The following RYR3 variants were observed in gnomAD, a reference collection of about 807,000 sequenced individuals.
RYR3 encodes the protein ryanodine receptor 3, also known as brain ryanodine receptor-calcium release channel.
Under a neutral mutation model 584.3 loss-of-function variants are expected in RYR3, and 207 were observed. That is an observed-to-expected ratio of 0.35 (90% confidence interval 0.32 to 0.40). The LOEUF is 0.40. Ranked by LOEUF, RYR3 falls within the 10% of genes least tolerant of loss-of-function variation. RYR3 has a pLI of 1.00. For synonymous variants in RYR3, 2,416 were observed against 2,248.5 expected (o/e 1.07, Z -2.11); for missense variants, 5,616 against 6,089.2 (o/e 0.92, Z 2.59).
rs1567046826 is a variant in RYR3 at position 33,336,470 on chromosome 15, GAGAGAGAGAGA to G, written c.51+25375_51+25385del. On this transcript the variant is annotated intron_variant, in intron 1 of 103. Transcript: ENST00000634891. ...AGAGAGAGAGAGAGAGAGAGAGAGAGAGAGAGAGAGAGAGAGAAAGAAAGAAAGAAAGAAGG... is the reference window on the plus strand; with the variant it reads ...AGAGAGAGAGAGAGAGAGAGAGAGAGGAGAGAAAGAAAGAAAGAAAGAAGG... Among the ~76,000 whole-genome samples, 5 of 38,808 alleles carry G rather than the reference GAGAGAGAGAGA, an allele frequency of 1.3e-4. 1 individual carries two copies. The highest frequency in any genetic ancestry group is 1.2e-3 in the African/African-American group (5 of 4,078). The allele number at this position is 38,808 out of a possible 152,430, so 25.5% of individuals were successfully genotyped here. A position where few individuals can be genotyped will look rare whatever the true frequency, so the allele number is the denominator to read the frequency against.
chr15:33,551,239 CT>C (rs750616205), intron 10 of RYR3, among the ~76,000 whole-genome samples: 164 of 152,226 alleles, frequency 1.1e-3, no homozygotes, highest in Non-Finnish European at 2.2e-3. Flanking sequence ...GAAGTCTGCA[CT>C]TCCTAAGAGT....
intron 102 of RYR3, 31 bp downstream of exon 102, chr15:33,861,209 C>G (rs1224894764): frequency 2.0e-6 from 3 of 1,500,588 alleles, no homozygotes; most frequent in Non-Finnish European, 2.7e-6. Flanking sequence ...AAAGTAATGG[C>G]AGCTGTAGCG....
At chr15:33,849,875 C>T (rs1567317172) in intron 94 of RYR3, 1 of 152,220 alleles carries the variant, frequency 6.6e-6, no homozygotes, top group Non-Finnish European at 1.5e-5. Flanking sequence ...TGAACAGGCA[C>T]ATCCTCACAT....
At chr15:33,541,857 C>T (rs1320444219) in intron 7 of RYR3, among the ~76,000 whole-genome samples, 2 of 152,106 alleles carry the variant, frequency 1.3e-5, no homozygotes, top group Non-Finnish European at 2.9e-5. Flanking sequence ...CCAAAATTAA[C>T]CCACCCTCCT....
chr15:33,762,901 T>C (rs1276147191), intron 60 of RYR3, among the ~76,000 whole-genome samples: 1 of 152,174 alleles, frequency 6.6e-6, no homozygotes, highest in Non-Finnish European at 1.5e-5. Context: ...AACAGCATGG[T>C]GCTGGTACCA....
chr15:33,740,127 G>A (rs2069935005), intron 51 of RYR3, 132 bp downstream of exon 51: 1 of 749,194 alleles, frequency 1.3e-6, no homozygotes, highest in South Asian at 1.9e-5. Context: ...TTCTCTTGAT[G>A]TGTCAAGTCC....
At chr15:33,477,908 A>AGTAGGGG (rs2049562239) in intron 2 of RYR3, among the ~76,000 whole-genome samples, 1 of 128,942 alleles carries the variant, frequency 7.8e-6, no homozygotes, top group Non-Finnish European at 1.6e-5. Flanking sequence ...AAAAAAAAAG[A>AGTAGGGG]CTAGGGGCTA....
rs1346134852 is a variant in RYR3 at position 33,843,414 on chromosome 15, CCTT to C, written c.13210-71_13210-69del. 9 of 998,014 alleles carry C rather than the reference CCTT, an allele frequency of 9.0e-6. No individual in the cohort carries two copies. In the African/African-American group the frequency reaches 1.4e-4, roughly 16 times the overall value. The allele number at this position is 998,014 out of a possible 1,614,324, so 61.8% of individuals were successfully genotyped here. On this transcript the variant is annotated intron_variant, in intron 91 of 103. Transcript: ENST00000634891. Reference sequence around the variant, plus strand: ...AGTGTGAACTTCTAACCAGAACTGACCTTCTGTGTGAAAGTAGGAAGTTCTCTT... The same window carrying C: ...AGTGTGAACTTCTAACCAGAACTGACCTGTGTGAAAGTAGGAAGTTCTCTT...
intron 2 of RYR3, among the ~76,000 whole-genome samples, chr15:33,499,984 G>A (rs2051818772): frequency 6.6e-6 from 1 of 152,160 alleles, no homozygotes; most frequent in Non-Finnish European, 1.5e-5. Context: ...GACTTGAGGA[G>A]TCATTGCAAT....
chr15:33,579,596 C>T (rs2058490247), intron 12 of RYR3, among the ~76,000 whole-genome samples: 1 of 152,162 alleles, frequency 6.6e-6, no homozygotes, highest in Non-Finnish European at 1.5e-5. Flanking sequence ...AGAAGAGTCA[C>T]TGTCAAAATC....
chr15:33,714,534 G>A (rs770741646), intron 43 of RYR3, among the ~76,000 whole-genome samples: 41 of 152,198 alleles, frequency 2.7e-4, no homozygotes, highest in Non-Finnish European at 4.6e-4. Context: ...AAGCACAGAT[G>A]TGTTTGGGTG....
At chr15:33,541,660 A>T (rs1218322144) in intron 7 of RYR3, among the ~76,000 whole-genome samples, 1 of 152,212 alleles carries the variant, frequency 6.6e-6, no homozygotes, top group Non-Finnish European at 1.5e-5. Context: ...GTACTTTCAA[A>T]CTGGGAATGC....
intron 64 of RYR3, among the ~76,000 whole-genome samples, chr15:33,777,890 C>T (rs1255813111): frequency 6.6e-6 from 1 of 152,106 alleles, no homozygotes; most frequent in Non-Finnish European, 1.5e-5. Context: ...TGCTGTCAGG[C>T]AGGACGCGGT....
intron 80 of RYR3, among the ~76,000 whole-genome samples, chr15:33,821,939 C>T (rs2077129300): frequency 6.6e-6 from 1 of 152,144 alleles, no homozygotes; most frequent in African/African-American, 2.4e-5. Context: ...CACTAATTAG[C>T]TGCCTTTAGT....
At chr15:33,534,066 A>G (rs1367762892) in intron 5 of RYR3, among the ~76,000 whole-genome samples, 6 of 152,232 alleles carry the variant, frequency 3.9e-5, no homozygotes, top group Non-Finnish European at 8.8e-5. Context: ...ACTAGTTCCA[A>G]ATGTAAAACT....
chr15:33,474,414 G>A (rs1318014993), intron 2 of RYR3, among the ~76,000 whole-genome samples: 1 of 152,228 alleles, frequency 6.6e-6, no homozygotes, highest in Non-Finnish European at 1.5e-5. Flanking sequence ...TCAGGCAGGA[G>A]TTAATGCTGT....
intron 2 of RYR3, among the ~76,000 whole-genome samples, chr15:33,500,341 G>C (rs72727613): frequency 2.0e-5 from 3 of 152,284 alleles, no homozygotes; most frequent in Non-Finnish European, 4.4e-5. Context: ...GCCAGATAGA[G>C]AAATGCTAAA....
At chr15:33,756,997 T>A (rs1281676596) in intron 59 of RYR3, among the ~76,000 whole-genome samples, 1 of 152,104 alleles carries the variant, frequency 6.6e-6, no homozygotes, top group East Asian at 1.9e-4. Flanking sequence ...CACAGTGGGA[T>A]CCTGTTGCCA....
chr15:33,711,207 A>G (rs910728769), intron 43 of RYR3, among the ~76,000 whole-genome samples: 1 of 148,552 alleles, frequency 6.7e-6, no homozygotes, highest in Non-Finnish European at 1.5e-5. Context: ...ATAGGTTGTT[A>G]GAAGCAGCCA....
Sources: gnomAD v4.1 joint callset for allele counts (sites outside exome capture counted in the v4.1 genomes callset) on GRCh38, gnomAD v4.1.1 for gene constraint, MANE v1.5 for transcripts, NCBI Gene and HGNC (gene_info 2026-07-23, HGNC 2026-07-21) for gene names.